MBTD1: variants seen among roughly 807,000 people sequenced by gnomAD.
The protein encoded by MBTD1 is MBT domain-containing protein 1.
A neutral mutation model predicts 87.8 loss-of-function variants in MBTD1; 24 were observed. The ratio of observed to expected loss-of-function variants is 0.27; its 90% CI spans 0.20 to 0.38. The LOEUF (loss-of-function observed/expected upper bound fraction) is 0.38, where lower values mean the gene tolerates loss of function less well. Among genes scored for constraint, MBTD1 ranks in the 10% least tolerant of loss-of-function variants. MBTD1 has a pLI of 1.00. For missense variants in MBTD1, 436 were observed against 760.2 expected (o/e 0.57, Z 5.02); for synonymous variants, 237 against 248.6 (o/e 0.95, Z 0.44).
chr17:51,228,486 C>A (rs1483603463), intron 2 of MBTD1, among the ~76,000 whole-genome samples: 4 of 125,102 alleles, frequency 3.2e-5, no homozygotes, highest in Non-Finnish European at 5.2e-5. Context: ...CTCATTCAAA[C>A]CACGAAAAAA....
chr17:51,239,633 T>C (rs911494363), intron 2 of MBTD1, among the ~76,000 whole-genome samples: 2 of 152,136 alleles, frequency 1.3e-5, no homozygotes, highest in Non-Finnish European at 1.5e-5. Context: ...GCTTTTTTTG[T>C]AGGAGGCTAG....
intron 14 of MBTD1, 57 bp downstream of exon 14, chr17:51,193,371 T>C: frequency 8.6e-7 from 1 of 1,159,310 alleles, no homozygotes; most frequent in South Asian, 1.3e-5. Flanking sequence ...TGAACATAAA[T>C]TGTATTTGTG....
intron 6 of MBTD1, among the ~76,000 whole-genome samples, chr17:51,216,059 G>A (rs1316001002): frequency 2.0e-5 from 3 of 150,726 alleles, no homozygotes; most frequent in African/African-American, 7.3e-5. Context: ...AGCCTCTCGA[G>A]TAGCTGGGAC....
At chr17:51,239,915 T>A (rs2054067915) in intron 2 of MBTD1, among the ~76,000 whole-genome samples, 1 of 152,218 alleles carries the variant, frequency 6.6e-6, no homozygotes, top group Non-Finnish European at 1.5e-5. Flanking sequence ...TGATCTACCA[T>A]CCGTCCTCCA....
chr17:51,229,574 G>T (rs1482549149), intron 2 of MBTD1, among the ~76,000 whole-genome samples: 2 of 151,518 alleles, frequency 1.3e-5, no homozygotes, highest in Non-Finnish European at 2.9e-5. Flanking sequence ...CCACACAATG[G>T]AAATATTACA....
At chr17:51,182,968 T>C (rs1294729664) in intron 16 of MBTD1, among the ~76,000 whole-genome samples, 1 of 152,134 alleles carries the variant, frequency 6.6e-6, no homozygotes, top group Non-Finnish European at 1.5e-5. Context: ...TTTATTTTTT[T>C]AGTAGAGATG....
intron 16 of MBTD1, among the ~76,000 whole-genome samples, chr17:51,181,098 T>G (rs2050289684): frequency 6.6e-6 from 1 of 150,538 alleles, no homozygotes; most frequent in African/African-American, 2.5e-5. Flanking sequence ...CTCGGCTTAC[T>G]GCAACCTCCG....
intron 2 of MBTD1, chr17:51,250,824 T>A (rs746583381): frequency 6.6e-6 from 1 of 152,234 alleles, no homozygotes; most frequent in Admixed American, 6.5e-5. Flanking sequence ...AGACTTTGGA[T>A]CCATCTCCCA....
chr17:51,192,838 T>G lies in MBTD1; in HGVS notation c.1634A>C (p.Tyr545Ser). Residue 545 changes from tyrosine to serine, a missense_variant, in exon 15 of 17, where the codon TAT becomes TCT. Tyr to Ser is a moderately radical substitution (Grantham distance 144). This residue lies in a region of MBTD1 where 80 missense variants were observed against 182.2 expected (regional missense o/e 0.44). Coordinates refer to ENST00000586178, the MANE Select transcript of MBTD1 (RefSeq NM_017643.3). ...AGTTAACTGACACCACCCTACAGGA[T>G]AGAGGTCAGGTGACTCACAGTCTAC... is the stretch of plus-strand genomic sequence containing the variant. ...QWVDCESPDL[Y>S]PVGWCQLTGY... 2 of 1,614,190 alleles carry G rather than the reference T, an allele frequency of 1.2e-6. No individual in the cohort carries two copies. Among genetic ancestry groups the G allele is most frequent in the Non-Finnish European group, 1.7e-6 (2 of 1,180,034 alleles).
intron 2 of MBTD1, chr17:51,256,399 A>C (rs1421236675): frequency 6.6e-6 from 1 of 152,198 alleles, no homozygotes; most frequent in Non-Finnish European, 1.5e-5. Context: ...TAAAGTGAGA[A>C]CTCGAAGGGA....
intron 6 of MBTD1, 71 bp downstream of exon 6, chr17:51,217,263 G>C: frequency 1.3e-6 from 1 of 792,166 alleles, no homozygotes; most frequent in Non-Finnish European, 2.0e-6. Context: ...AAGATGCTTA[G>C]GTGTTATTGT....
At chr17:51,242,214 T>C (rs1180788201) in intron 2 of MBTD1, among the ~76,000 whole-genome samples, 1 of 152,242 alleles carries the variant, frequency 6.6e-6, no homozygotes, top group African/African-American at 2.4e-5. Flanking sequence ...TACACACATG[T>C]ATGTGACATA....
At chr17:51,201,795 T>TA in intron 11 of MBTD1, 99 bp from the exon 12 acceptor site, 1 of 842,322 alleles carries the variant, frequency 1.2e-6, no homozygotes, top group Non-Finnish European at 2.0e-6. Context: ...TGCCTTCTCC[T>TA]ACCTACCTAA....
chr17:51,236,101 T>G (rs1463845237), intron 2 of MBTD1, among the ~76,000 whole-genome samples: 1 of 152,098 alleles, frequency 6.6e-6, no homozygotes, highest in Non-Finnish European at 1.5e-5. Flanking sequence ...TATCTATAGA[T>G]TTACATACCT....
Position 51,179,500 on chromosome 17 carries a change from A to ATATATT in MBTD1, c.*1075_*1076insAATATA, listed in dbSNP as rs1555673751. 17 of 58,522 alleles carry ATATATT rather than the reference A, an allele frequency of 2.9e-4. No individual in the cohort carries two copies. Among genetic ancestry groups the ATATATT allele is most frequent in the East Asian group, 2.5e-3 (6 of 2,360 alleles). The allele number at this position is 58,522 out of a possible 1,614,324, so 3.6% of individuals were successfully genotyped here. The stretch of plus-strand genomic sequence containing the variant: ...AAGACAATTTTATATATATATATAT[A>ATATATT]TATATATATATATATATATATATAT... On this transcript the variant is annotated 3_prime_UTR_variant, in exon 17 of 17. Coordinates refer to ENST00000586178, the MANE Select transcript of MBTD1 (RefSeq NM_017643.3).
intron 2 of MBTD1, among the ~76,000 whole-genome samples, chr17:51,230,242 T>C (rs533437726): frequency 6.6e-6 from 1 of 152,242 alleles, no homozygotes; most frequent in South Asian, 2.1e-4. Flanking sequence ...GAACTGACAA[T>C]GTGGAAGGGA....
At chr17:51,244,081 A>G (rs368882867) in intron 2 of MBTD1, among the ~76,000 whole-genome samples, 6 of 152,200 alleles carry the variant, frequency 3.9e-5, no homozygotes, top group African/African-American at 1.4e-4. Context: ...CCTTGCAACC[A>G]ATCGGCAACC....
At chr17:51,220,588 T>C in intron 3 of MBTD1, 125 bp from the exon 4 acceptor site, 1 of 765,866 alleles carries the variant, frequency 1.3e-6, no homozygotes, top group Non-Finnish European at 2.1e-6. Flanking sequence ...TGAACATTTC[T>C]TCTATCTCCT....
chr17:51,192,287 AAT>A lies in MBTD1; in HGVS notation c.1691-9_1691-8del. 6.5e-7 allele frequency: 1 copy of A among 1,545,276 alleles called. No individual in the cohort carries two copies. The highest frequency in any genetic ancestry group is 1.2e-5 in the South Asian group (1 of 83,870). ...GATTGGTTTTCTCTTGATGCTGAAA[AAT>A]AAAAAGGGAAAATTGGTACTAGATA... On this transcript the variant is annotated splice_region_variant and splice_polypyrimidine_tract_variant and intron_variant, in intron 15 of 16. Transcript: ENST00000586178.
Sources: allele counts gnomAD v4.1 joint callset (sites outside exome capture counted in the v4.1 genomes callset), GRCh38; gene constraint gnomAD v4.1.1; regional missense constraint gnomAD v4.1.1; transcripts MANE v1.5; gene names NCBI Gene and HGNC (gene_info 2026-07-23, HGNC 2026-07-21).